Variants in NBDY observed in about 807,000 individuals in gnomAD.
The protein encoded by NBDY is P-body dissociating protein.
intron 2 of NBDY, chrX:56,737,668 A>G (rs1235449261): frequency 7.2e-6 from 2 of 277,715 alleles, no homozygotes; most frequent in South Asian, 1.1e-4. Flanking sequence ...TTGGCAATAT[A>G]AAACATTTTC....
chrX:56,765,791 C>A (rs2069662603), intron 2 of NBDY, among the ~76,000 whole-genome samples: 1 of 110,096 alleles, frequency 9.1e-6, no homozygotes, highest in Admixed American at 9.7e-5. Context: ...ACTCCTCCTC[C>A]CCCTCCCCCT....
chrX:56,784,851 G>A (rs536860643), intron 2 of NBDY, among the ~76,000 whole-genome samples: 1 of 112,275 alleles, frequency 8.9e-6, no homozygotes, highest in Middle Eastern at 4.2e-3. Flanking sequence ...CATACAGCCC[G>A]CTTCTTGGGA....
intron 2 of NBDY, chrX:56,737,202 A>G: frequency 1.3e-6 from 1 of 759,110 alleles, no homozygotes; most frequent in South Asian, 2.1e-5. Context: ...AAGTTTAACC[A>G]TCTTCATAAC....
At chrX:56,809,783 T>G (rs1163337754) in intron 2 of NBDY, among the ~76,000 whole-genome samples, 1 of 112,426 alleles carries the variant, frequency 8.9e-6, no homozygotes, top group East Asian at 2.8e-4. Context: ...TGTGTGCATT[T>G]AATCCTGTCG....
At chrX:56,744,782 T>A (rs2069548445) in intron 2 of NBDY, among the ~76,000 whole-genome samples, 1 of 111,523 alleles carries the variant, frequency 9.0e-6, no homozygotes, top group Admixed American at 9.6e-5. Context: ...ATAAACTATG[T>A]TTTTTTCCTA....
At chrX:56,782,778 TC>T (rs2069701399) in intron 2 of NBDY, among the ~76,000 whole-genome samples, 1 of 111,530 alleles carries the variant, frequency 9.0e-6, no homozygotes, top group Admixed American at 9.5e-5. Flanking sequence ...GCAGGGTGTC[TC>T]CGCCACATGC....
chrX:56,806,819 T>C (rs2069853452), intron 2 of NBDY, among the ~76,000 whole-genome samples: 1 of 112,287 alleles, frequency 8.9e-6, no homozygotes, highest in Non-Finnish European at 1.9e-5. Flanking sequence ...TTTAGTTTAA[T>C]TATATCCCAT....
intron 2 of NBDY, among the ~76,000 whole-genome samples, chrX:56,808,716 G>C (rs1225464880): frequency 2.7e-5 from 3 of 111,612 alleles, no homozygotes; most frequent in African/African-American, 9.8e-5. Flanking sequence ...CGAGCTCCTG[G>C]ATTCATTGAT....
At chrX:56,767,684 T>C (rs1366248292) in intron 2 of NBDY, among the ~76,000 whole-genome samples, 1 of 113,076 alleles carries the variant, frequency 8.8e-6, no homozygotes, top group African/African-American at 3.2e-5. Flanking sequence ...CTCCTTAACT[T>C]TCTTTTATAA....
At position 56,814,736 on chromosome X, in the gene NBDY, G is replaced by T. The variant is rs761877504; in HGVS notation, c.*167-2584G>T. ...CCTCCATCTCTTGACCTCGTGATCT[G>T]CTCACCTCGGCCTCCCAAAGTGCTG... On this transcript the variant is annotated intron_variant, in intron 2 of 2. Coordinates refer to ENST00000374922, the MANE Select transcript of NBDY (RefSeq NM_001348129.2). 2.7e-5 allele frequency among the ~76,000 whole-genome samples: 3 copies of T among 110,794 alleles called. No homozygotes were observed. In the Admixed American group the frequency reaches 2.9e-4, roughly 11 times the overall value.
intron 2 of NBDY, among the ~76,000 whole-genome samples, chrX:56,813,477 C>A (rs1291449397): frequency 9.0e-6 from 1 of 111,167 alleles, no homozygotes; most frequent in Non-Finnish European, 1.9e-5. Flanking sequence ...AGACCACAGA[C>A]ACACCCACAC....
chrX:56,793,285 G>T (rs570829354), intron 2 of NBDY, among the ~76,000 whole-genome samples: 3 of 112,220 alleles, frequency 2.7e-5, no homozygotes, highest in Admixed American at 1.9e-4. Flanking sequence ...TTTCCCAGAG[G>T]CCATGATTAT....
chrX:56,815,170 T>C (rs754161464), intron 2 of NBDY, among the ~76,000 whole-genome samples: 44 of 111,823 alleles, frequency 3.9e-4, no homozygotes, highest in African/African-American at 1.3e-3. Context: ...ATAATGAAAA[T>C]ATTTTAATAA....
chrX:56,741,780 C>T (rs965780916), intron 2 of NBDY, among the ~76,000 whole-genome samples: 7 of 110,972 alleles, frequency 6.3e-5, no homozygotes, highest in Non-Finnish European at 1.3e-4. Flanking sequence ...TATTTTCTCC[C>T]ATTGCACCTA....
rs149026748 is a variant in NBDY, at chrX:56,741,502, T to A, written c.*166+9303T>A. On this transcript the variant is annotated intron_variant, in intron 2 of 2. Transcript: ENST00000374922. Reference sequence around the variant, plus strand: ...CTCTTCTCCGCATTCTTGCCAGCATTTGTTATTGCCTGTCACTTGGATATA... The same window carrying A: ...CTCTTCTCCGCATTCTTGCCAGCATATGTTATTGCCTGTCACTTGGATATA... 3.6e-5 allele frequency among the ~76,000 whole-genome samples: 4 copies of A among 111,881 alleles called. No homozygotes were observed. In the East Asian group the frequency reaches 1.1e-3, roughly 31 times the overall value.
chrX:56,812,917 T>C, intron 2 of NBDY, among the ~76,000 whole-genome samples: 1 of 111,204 alleles, frequency 9.0e-6, no homozygotes, highest in Non-Finnish European at 1.9e-5. Flanking sequence ...GCACCAGGCC[T>C]GGAAGGAGGC....
At chrX:56,756,550 A>G (rs1240022978) in intron 2 of NBDY, among the ~76,000 whole-genome samples, 1 of 111,769 alleles carries the variant, frequency 8.9e-6, no homozygotes, top group Non-Finnish European at 1.9e-5. Flanking sequence ...TTAGTGTATA[A>G]TGTACTTAAA....
chrX:56,813,140 A>G (rs1169556856), intron 2 of NBDY, among the ~76,000 whole-genome samples: 2 of 111,374 alleles, frequency 1.8e-5, no homozygotes, highest in Non-Finnish European at 3.8e-5. Flanking sequence ...ATACATATGT[A>G]ACAAACCTGC....
intron 2 of NBDY, among the ~76,000 whole-genome samples, chrX:56,736,355 C>G (rs987284606): frequency 1.8e-5 from 2 of 112,121 alleles, no homozygotes; most frequent in African/African-American, 3.2e-5. Flanking sequence ...GCCTCCGCCC[C>G]CCGGGGTCAA....
Sources: allele counts gnomAD v4.1 joint callset (sites outside exome capture counted in the v4.1 genomes callset), GRCh38; gene constraint gnomAD v4.1.1; transcripts MANE v1.5; gene names NCBI Gene and HGNC (gene_info 2026-07-23, HGNC 2026-07-21).